Variants in HCK observed in about 807,000 individuals in gnomAD.
HCK encodes tyrosine-protein kinase HCK.
Under a neutral mutation model 70.4 loss-of-function variants are expected in HCK, and 40 were observed. The observed-to-expected ratio is 0.57, with a 90% confidence interval of 0.44 to 0.74. HCK has a LOEUF of 0.74. Among genes scored for constraint, HCK ranks in the 30% least tolerant of loss-of-function variants. The pLI is 0.00. For synonymous variants in HCK, 245 were observed against 263.2 expected (o/e 0.93, Z 0.67); for missense variants, 568 against 697.2 (o/e 0.81, Z 2.09).
At chr20:32,060,195 A>G (rs2045347328) in intron 1 of HCK, among the ~76,000 whole-genome samples, 1 of 151,954 alleles carries the variant, frequency 6.6e-6, no homozygotes. Flanking sequence ...TTAAACATAT[A>G]TTTATAGCTA....
Position 32,053,200 on chromosome 20 carries a change from G to A in HCK, c.62+714G>A, listed in dbSNP as rs150457303. The stretch of plus-strand genomic sequence containing the variant: ...GGTGGTGCGTGTGAGAGACAGGCTA[G>A]TGGGTAGCGGAGGGGGCTTCTAGGG... On this transcript the variant is annotated intron_variant, in intron 1 of 12. Coordinates refer to ENST00000375852, the MANE Select transcript of HCK (RefSeq NM_002110.5). Among the ~76,000 whole-genome samples, 207 of 152,302 alleles carry A rather than the reference G, an allele frequency of 1.4e-3. 1 individual carries two copies. Among genetic ancestry groups the A allele is most frequent in the African/African-American group, 4.8e-3 (201 of 41,568 alleles).
chr20:32,078,856 C>CAA (rs368194350), intron 5 of HCK, among the ~76,000 whole-genome samples: 650 of 35,538 alleles, frequency 0.018, 30 homozygotes, highest in East Asian at 0.16. Context: ...GACTCAGTCT[C>CAA]AAAAAAAAAA....
chr20:32,056,603 A>G (rs1013399498), intron 1 of HCK, among the ~76,000 whole-genome samples: 3 of 152,086 alleles, frequency 2.0e-5, no homozygotes, highest in African/African-American at 7.2e-5. Flanking sequence ...ACCGTAATAT[A>G]CAAGGGTTTC....
At chr20:32,095,690 A>G (rs1182073791) in intron 11 of HCK, among the ~76,000 whole-genome samples, 3 of 152,158 alleles carry the variant, frequency 2.0e-5, no homozygotes, top group Non-Finnish European at 4.4e-5. Flanking sequence ...TCTAAAATCC[A>G]CAACTTTGTA....
At chr20:32,099,217 C>T in intron 12 of HCK, 82 bp downstream of exon 12, 1 of 1,452,434 alleles carries the variant, frequency 6.9e-7, no homozygotes, top group South Asian at 1.2e-5. Context: ...TCCATTCAAA[C>T]TGAGTTCTTG....
intron 5 of HCK, among the ~76,000 whole-genome samples, chr20:32,075,058 C>G (rs915929611): frequency 6.6e-6 from 1 of 152,238 alleles, no homozygotes; most frequent in Non-Finnish European, 1.5e-5. Context: ...GGGACTTTGT[C>G]TGCTTCTGCA....
intron 5 of HCK, 37 bp from the exon 6 acceptor site, chr20:32,079,737 C>T: frequency 6.9e-7 from 1 of 1,446,142 alleles, no homozygotes; most frequent in South Asian, 1.2e-5. Context: ...GACTGCATGA[C>T]CCCAGGTTCA....
At chr20:32,098,899 G>T in intron 11 of HCK, 105 bp from the exon 12 acceptor site, 1 of 1,272,174 alleles carries the variant, frequency 7.9e-7, no homozygotes, top group South Asian at 1.4e-5. Flanking sequence ...AGGTCTGCAG[G>T]GGCAGATGTT....
intron 11 of HCK, among the ~76,000 whole-genome samples, chr20:32,096,217 G>A (rs748071984): frequency 2.0e-5 from 3 of 151,714 alleles, no homozygotes; most frequent in Non-Finnish European, 2.9e-5. Context: ...AGACGGGTGC[G>A]GCCGGGCACA....
intron 1 of HCK, among the ~76,000 whole-genome samples, chr20:32,061,090 T>G (rs1035264413): frequency 6.6e-6 from 1 of 152,112 alleles, no homozygotes; most frequent in Non-Finnish European, 1.5e-5. Flanking sequence ...TTCAAGCAAT[T>G]CTCCTTCCTC....
chr20:32,079,734 T>G (rs1302182499), intron 5 of HCK, 40 bp from the exon 6 acceptor site: 3 of 1,421,750 alleles, frequency 2.1e-6, no homozygotes, highest in Non-Finnish European at 3.0e-6. Flanking sequence ...CAGGACTGCA[T>G]GACCCCAGGT....
chr20:32,099,664 C>T (rs2046007313), intron 12 of HCK, among the ~76,000 whole-genome samples: 1 of 151,886 alleles, frequency 6.6e-6, no homozygotes, highest in African/African-American at 2.4e-5. Context: ...GGCCTCACCC[C>T]TATGACATCT....
At chr20:32,098,030 TTTATA>T (rs1426594120) in intron 11 of HCK, among the ~76,000 whole-genome samples, 1 of 135,466 alleles carries the variant, frequency 7.4e-6, no homozygotes, top group Non-Finnish European at 1.5e-5. Flanking sequence ...TTTCTATTTT[TTTATA>T]TTTTATTTTA....
At position 32,052,471 on chromosome 20, in the gene HCK, A is replaced by G; in HGVS notation, c.47A>G (p.Glu16Gly). The G allele has an allele frequency of 7.9e-7, 1 of 1,265,224 alleles. No homozygotes were observed. Among genetic ancestry groups the G allele is most frequent in the Non-Finnish European group, 1.0e-6 (1 of 996,976 alleles). The allele number at this position is 1,265,224 out of a possible 1,614,324, so 78.4% of individuals were successfully genotyped here. A position where few individuals can be genotyped will look rare whatever the true frequency, so the allele number is the denominator to read the frequency against. Residue 16 changes from glutamate to glycine, a missense_variant, in exon 1 of 13, where the codon GAG becomes GGG. Physicochemically the swap from Glu to Gly is moderately conservative, Grantham distance 98 (BLOSUM62 -2). Coordinates refer to ENST00000375852, the MANE Select transcript of HCK (RefSeq NM_002110.5). ...GAGGATCCGGGCTGCCCGCGAGACG[A>G]GGAGCGGGCGCCCAGGTGAGTGCCG... is the stretch of plus-strand genomic sequence containing the variant.
At chr20:32,070,513 C>T (rs2045521087) in intron 1 of HCK, among the ~76,000 whole-genome samples, 1 of 152,204 alleles carries the variant, frequency 6.6e-6, no homozygotes, top group Non-Finnish European at 1.5e-5. Flanking sequence ...GAACACTCTT[C>T]CCTCAGAGTG....
In HCK at chr20:32,093,146, T is replaced by C. The variant is rs75018364; in HGVS notation, c.1093-717T>C. ...TTTTAGTAGAGACGGGGTTTCGCCATGTTGGCCAGGCTGGTCTCGAACTCC... is the reference window on the plus strand; with the variant it reads ...TTTTAGTAGAGACGGGGTTTCGCCACGTTGGCCAGGCTGGTCTCGAACTCC... On this transcript the variant is annotated intron_variant, in intron 10 of 12. Transcript: ENST00000375852. Among the ~76,000 whole-genome samples the C allele has an allele frequency of 7.8e-4, 119 of 152,306 alleles. 2 individuals carry two copies. In the East Asian group the frequency reaches 0.02, roughly 25 times the overall value.
chr20:32,091,931 G>C (rs2045869008), intron 10 of HCK, among the ~76,000 whole-genome samples: 1 of 151,732 alleles, frequency 6.6e-6, no homozygotes. Context: ...GTTGCAGTAA[G>C]CTGTGATCCC....
Position 32,079,882 on chromosome 20 carries a change from C to T in HCK, c.532+5C>T. 6.3e-7 allele frequency: 1 copy of T among 1,596,358 alleles called. No individual in the cohort carries two copies. Among genetic ancestry groups the T allele is most frequent in the Admixed American group, 1.7e-5 (1 of 59,876 alleles). On this transcript the variant is annotated splice_donor_5th_base_variant and intron_variant, in intron 6 of 12. Coordinates refer to ENST00000375852, the MANE Select transcript of HCK (RefSeq NM_002110.5). ...GGGATAGCGAGACCACTAAAGGTGACACCAGCCCTCCCCACCTTGTCCTCC... is the reference window on the plus strand; with the variant it reads ...GGGATAGCGAGACCACTAAAGGTGATACCAGCCCTCCCCACCTTGTCCTCC...
intron 1 of HCK, among the ~76,000 whole-genome samples, chr20:32,057,359 G>A (rs2045288168): frequency 6.6e-6 from 1 of 152,214 alleles, no homozygotes. Flanking sequence ...CAGCACTTTG[G>A]GAGGCCGAGA....
Sources: gnomAD v4.1 joint callset for allele counts (sites outside exome capture counted in the v4.1 genomes callset) on GRCh38, gnomAD v4.1.1 for gene constraint, MANE v1.5 for transcripts, NCBI Gene and HGNC (gene_info 2026-07-23, HGNC 2026-07-21) for gene names.